Variants in DCLK1 observed in about 807,000 individuals in gnomAD.
DCLK1 encodes doublecortin like kinase 1.
In DCLK1, 16 loss-of-function variants were observed where a neutral mutation model predicts 86.2. The observed-to-expected ratio is 0.19, with a 90% CI of 0.13 to 0.28. The LOEUF (loss-of-function observed/expected upper bound fraction) is 0.28, where lower values mean the gene tolerates loss of function less well. Ranked by LOEUF, DCLK1 falls within the 10% of genes least tolerant of loss-of-function variation. The probability of loss-of-function intolerance (pLI) is 1.00; values close to 1 mark genes in which losing one functional copy is unlikely to be tolerated. For missense variants in DCLK1, 590 were observed against 940.2 expected (o/e 0.63, Z 4.87); for synonymous variants, 369 against 370.5 (o/e 1.00, Z 0.05).
intron 3 of DCLK1, among the ~76,000 whole-genome samples, chr13:36,083,462 A>C (rs1470926792): frequency 6.6e-6 from 1 of 152,222 alleles, no homozygotes; most frequent in Non-Finnish European, 1.5e-5. Context: ...ACACAATGAT[A>C]ATTAAAATTT....
intron 2 of DCLK1, among the ~76,000 whole-genome samples, chr13:36,114,825 T>C (rs1436414561): frequency 6.6e-6 from 1 of 152,202 alleles, no homozygotes; most frequent in Non-Finnish European, 1.5e-5. Context: ...ACAAACGTGA[T>C]TGTTCTGAAT....
At chr13:35,908,032 T>C (rs943036997) in intron 4 of DCLK1, among the ~76,000 whole-genome samples, 1 of 152,106 alleles carries the variant, frequency 6.6e-6, no homozygotes, top group African/African-American at 2.4e-5. Context: ...GACGTATTCA[T>C]ACCCTTAAAA....
intron 9 of DCLK1, 78 bp from the exon 10 acceptor site, chr13:35,827,832 A>G: frequency 6.5e-7 from 1 of 1,547,688 alleles, no homozygotes; most frequent in Non-Finnish European, 8.8e-7. Context: ...CAACTATACT[A>G]TGTAAGGGTC....
At chr13:36,018,627 A>G (rs1881632744) in intron 3 of DCLK1, among the ~76,000 whole-genome samples, 2 of 152,192 alleles carry the variant, frequency 1.3e-5, no homozygotes, top group Non-Finnish European at 2.9e-5. Context: ...GTGTTAATTT[A>G]CTGTGAACAT....
chr13:35,848,880 T>C (rs998265745), intron 6 of DCLK1: 2 of 985,408 alleles, frequency 2.0e-6, no homozygotes, highest in African/African-American at 1.7e-5. Context: ...GACACCAGCA[T>C]AGGCAACCTC....
chr13:36,126,415 A>C (rs892288345), intron 1 of DCLK1, among the ~76,000 whole-genome samples: 3 of 151,680 alleles, frequency 2.0e-5, no homozygotes, highest in Non-Finnish European at 2.9e-5. Flanking sequence ...AATTTCCTTC[A>C]TTTTTTGTTC....
chr13:36,108,556 C>G (rs1885488774), intron 3 of DCLK1, among the ~76,000 whole-genome samples: 1 of 152,184 alleles, frequency 6.6e-6, no homozygotes, highest in Admixed American at 6.5e-5. Flanking sequence ...AAACAGCAGG[C>G]TCCGGCTTTC....
intron 11 of DCLK1, among the ~76,000 whole-genome samples, chr13:35,819,327 C>A (rs2087340601): frequency 6.6e-6 from 1 of 152,096 alleles, no homozygotes; most frequent in Admixed American, 6.5e-5. Flanking sequence ...CAACCAAACA[C>A]TAGAGTTAAA....
intron 3 of DCLK1, among the ~76,000 whole-genome samples, chr13:36,076,246 T>G (rs1485563830): frequency 6.6e-6 from 1 of 152,240 alleles, no homozygotes; most frequent in Non-Finnish European, 1.5e-5. Flanking sequence ...AGCATGTTAA[T>G]AATGTAAAAG....
At chr13:35,788,685 G>C (rs1385360174) in intron 16 of DCLK1, among the ~76,000 whole-genome samples, 1 of 152,138 alleles carries the variant, frequency 6.6e-6, no homozygotes, top group Non-Finnish European at 1.5e-5. Flanking sequence ...ACCGCATAAG[G>C]CTTAAATTTG....
At chr13:36,129,821 C>T (rs1159364654) in intron 1 of DCLK1, among the ~76,000 whole-genome samples, 1 of 151,912 alleles carries the variant, frequency 6.6e-6, no homozygotes, top group Non-Finnish European at 1.5e-5. Context: ...CAGAGCTTTT[C>T]CTATAAATCC....
intron 3 of DCLK1, among the ~76,000 whole-genome samples, chr13:36,096,268 C>T (rs150197873): frequency 2.8e-3 from 425 of 152,294 alleles, no homozygotes; most frequent in Non-Finnish European, 4.4e-3. Flanking sequence ...TTTTCTTTCC[C>T]ATCTTGTAAG....
At chr13:35,838,879 G>A (rs1220189135) in intron 7 of DCLK1, among the ~76,000 whole-genome samples, 1 of 152,138 alleles carries the variant, frequency 6.6e-6, no homozygotes, top group Non-Finnish European at 1.5e-5. Flanking sequence ...GATGGGAAAT[G>A]TCTCCGAAAT....
At chr13:35,800,902 T>A (rs1593603466) in intron 15 of DCLK1, among the ~76,000 whole-genome samples, 1 of 128,870 alleles carries the variant, frequency 7.8e-6, no homozygotes, top group South Asian at 2.6e-4. Context: ...TTTTTTTTTT[T>A]AAGTAGAGGT....
intron 3 of DCLK1, among the ~76,000 whole-genome samples, chr13:36,049,307 G>A (rs373949718): frequency 6.6e-6 from 1 of 152,278 alleles, no homozygotes; most frequent in South Asian, 2.1e-4. Flanking sequence ...TGCTAAGAAT[G>A]TGTCAATCCA....
At chr13:35,910,649 A>C (rs1874962114) in intron 4 of DCLK1, among the ~76,000 whole-genome samples, 1 of 152,152 alleles carries the variant, frequency 6.6e-6, no homozygotes, top group Non-Finnish European at 1.5e-5. Flanking sequence ...TACAGTGAAA[A>C]CTAGCAGCAT....
intron 4 of DCLK1, among the ~76,000 whole-genome samples, chr13:35,876,274 T>TA (rs1468168588): frequency 6.6e-6 from 1 of 152,162 alleles, no homozygotes; most frequent in Admixed American, 6.5e-5. Flanking sequence ...CCACTTGCCT[T>TA]AAGGATAAGA....
intron 3 of DCLK1, among the ~76,000 whole-genome samples, chr13:35,954,951 G>A (rs764502044): frequency 6.6e-6 from 1 of 152,072 alleles, no homozygotes. Flanking sequence ...CCTTTGAAAT[G>A]GTAGCAATTT....
intron 4 of DCLK1, among the ~76,000 whole-genome samples, chr13:35,937,357 C>T (rs1214214032): frequency 1.3e-5 from 2 of 152,068 alleles, no homozygotes; most frequent in Non-Finnish European, 2.9e-5. Flanking sequence ...AAGGACTTTC[C>T]ACCTCTCCTT....
Sources: allele counts gnomAD v4.1 joint callset (sites outside exome capture counted in the v4.1 genomes callset), GRCh38; gene constraint gnomAD v4.1.1; transcripts MANE v1.5; gene names NCBI Gene and HGNC (gene_info 2026-07-23, HGNC 2026-07-21).